The following SPAG17 variants were observed in gnomAD, a reference collection of about 807,000 sequenced individuals.
SPAG17 encodes the protein sperm associated antigen 17.
In SPAG17, 169 loss-of-function variants were observed where a neutral mutation model predicts 273.6. That is an observed-to-expected ratio of 0.62 (90% CI 0.55 to 0.70). The LOEUF is 0.70. SPAG17 is among the 30% of genes least tolerant of loss of function. SPAG17 has a pLI of 0.00. For synonymous variants in SPAG17, 825 were observed against 873.2 expected (o/e 0.94, Z 0.97); for missense variants, 2,557 against 2,627.8 (o/e 0.97, Z 0.59).
intron 42 of SPAG17, 29 bp downstream of exon 42, chr1:117,983,782 T>G: frequency 6.9e-7 from 1 of 1,459,560 alleles, no homozygotes; most frequent in Non-Finnish European, 9.5e-7. Context: ...GGACATTTAA[T>G]AGGAATATGT....
intron 1 of SPAG17, among the ~76,000 whole-genome samples, chr1:118,177,402 T>A (rs566109889): frequency 6.6e-6 from 1 of 152,270 alleles, no homozygotes; most frequent in South Asian, 2.1e-4. Context: ...ACCACCCCTA[T>A]GATTCAATTA....
At chr1:117,959,007 A>G in intron 48 of SPAG17, 1 of 1,613,472 alleles carries the variant, frequency 6.2e-7, no homozygotes. Context: ...AGTCCGGGTA[A>G]GTGTCTTTGT....
At chr1:118,057,261 A>G (rs540924995) in intron 18 of SPAG17, among the ~76,000 whole-genome samples, 65 of 152,010 alleles carry the variant, frequency 4.3e-4, no homozygotes, top group Non-Finnish European at 5.6e-4. Flanking sequence ...ACTTCTCACC[A>G]CCTTTACTGT....
chr1:118,007,939 A>G, intron 31 of SPAG17, 105 bp downstream of exon 31: 1 of 1,186,876 alleles, frequency 8.4e-7, no homozygotes, highest in Non-Finnish European at 1.2e-6. Context: ...GAATGAAAGC[A>G]ACAGCAGTGT....
At chr1:117,982,300 G>A (rs1437095795) in intron 42 of SPAG17, among the ~76,000 whole-genome samples, 2 of 146,778 alleles carry the variant, frequency 1.4e-5, no homozygotes, top group South Asian at 2.2e-4. Flanking sequence ...GGAGTGCAGT[G>A]GCACGATGTC....
intron 20 of SPAG17, among the ~76,000 whole-genome samples, chr1:118,044,352 G>T (rs1228909347): frequency 1.3e-5 from 2 of 152,022 alleles, no homozygotes; most frequent in African/African-American, 4.8e-5. Context: ...GGGTGTGGTG[G>T]TGGGCGCCTG....
intron 37 of SPAG17, among the ~76,000 whole-genome samples, chr1:117,991,160 C>G (rs532139507): frequency 6.6e-6 from 1 of 152,204 alleles, no homozygotes; most frequent in African/African-American, 2.4e-5. Flanking sequence ...TTCAGCATTT[C>G]AATAAATATC....
rs554868839 is a variant in SPAG17 at position 118,099,657 on chromosome 1, T to C, written c.778A>G (p.Thr260Ala). 3.5e-5 allele frequency: 57 copies of C among 1,614,104 alleles called. 1 individual carries two copies. In the Middle Eastern group the frequency reaches 2.6e-3, roughly 75 times the overall value. The change falls in exon 6 of 49, where the codon ACA (threonine) becomes GCA (alanine). Residue 260 changes from threonine (T) to alanine (A), a missense_variant. Physicochemically the swap from Thr to Ala is moderately conservative, Grantham distance 58 (BLOSUM62 0). Coordinates refer to ENST00000336338, the MANE Select transcript of SPAG17 (RefSeq NM_206996.4). The part of the protein sequence containing the change: ...ISSENYEPLQ[T>A]HLAAVNQQQE... The stretch of plus-strand genomic sequence containing the variant: ...TGCTGGTTAACTGCTGCCAGGTGTG[T>C]CTGCAGAGGTTCATAATTCTCTGAA...
intron 3 of SPAG17, among the ~76,000 whole-genome samples, chr1:118,145,591 T>C (rs1489546313): frequency 6.6e-6 from 1 of 152,150 alleles, no homozygotes; most frequent in South Asian, 2.1e-4. Flanking sequence ...GAAAAATCTT[T>C]CCACATTTGA....
At chr1:118,075,877 T>G (rs766770163) in intron 15 of SPAG17, among the ~76,000 whole-genome samples, 47 of 152,086 alleles carry the variant, frequency 3.1e-4, no homozygotes, top group Non-Finnish European at 6.3e-4. Flanking sequence ...ATTGGTCGAG[T>G]ATCACCTTCT....
At chr1:118,051,899 T>A (rs111205419) in intron 20 of SPAG17, among the ~76,000 whole-genome samples, 1 of 135,584 alleles carries the variant, frequency 7.4e-6, no homozygotes, top group Non-Finnish European at 1.5e-5. Flanking sequence ...TAATATAATA[T>A]ATAAACTATT....
At chr1:118,149,526 G>A (rs1166617528) in intron 3 of SPAG17, among the ~76,000 whole-genome samples, 1 of 152,146 alleles carries the variant, frequency 6.6e-6, no homozygotes, top group Non-Finnish European at 1.5e-5. Context: ...ATAAAAAAGA[G>A]ACAAAGTATA....
chr1:118,097,929 T>C (rs1225635510), intron 6 of SPAG17, 78 bp from the exon 7 acceptor site: 10 of 946,900 alleles, frequency 1.1e-5, no homozygotes, highest in Non-Finnish European at 1.5e-5. Context: ...TGGTGAGTCA[T>C]ATGCATTGCA....
intron 15 of SPAG17, 42 bp downstream of exon 15, chr1:118,081,059 A>ACG: frequency 9.7e-5 from 7 of 72,092 alleles, no homozygotes; most frequent in South Asian, 9.6e-4. Flanking sequence ...ATAGTGTCTT[A>ACG]CACACACACA....
intron 30 of SPAG17, among the ~76,000 whole-genome samples, chr1:118,008,429 G>A (rs889422631): frequency 1.3e-5 from 2 of 151,994 alleles, no homozygotes; most frequent in Non-Finnish European, 2.9e-5. Flanking sequence ...TTAGTATGCT[G>A]TCTTATTCTC....
At chr1:117,976,199 A>C (rs2101552084) in intron 43 of SPAG17, among the ~76,000 whole-genome samples, 1 of 152,288 alleles carries the variant, frequency 6.6e-6, no homozygotes. Flanking sequence ...CCCTCCAGGG[A>C]TCAGGATAAT....
chr1:117,968,586 G>C (rs966582956), intron 46 of SPAG17, among the ~76,000 whole-genome samples: 1 of 152,142 alleles, frequency 6.6e-6, no homozygotes, highest in Admixed American at 6.5e-5. Flanking sequence ...AGCTAGAAGG[G>C]GCTAAGAAAT....
At chr1:117,982,619 G>T (rs972078638) in intron 42 of SPAG17, among the ~76,000 whole-genome samples, 2 of 152,170 alleles carry the variant, frequency 1.3e-5, no homozygotes, top group Non-Finnish European at 2.9e-5. Flanking sequence ...TCTTCAGCAT[G>T]CAGTTCCTGA....
In SPAG17 at chr1:118,091,636, C is replaced by T. The variant is rs141697359; in HGVS notation, c.1329G>A (p.Val443=). 15 of 1,611,766 alleles carry T rather than the reference C, an allele frequency of 9.3e-6. No homozygotes were observed. In the African/African-American group the frequency reaches 1.9e-4, roughly 20 times the overall value. Reference sequence around the variant, plus strand: ...CCAGCATACAATGCAGTATCAGGGGCACAGAAATGAATTCCTCTCGAATTG... The same window carrying T: ...CCAGCATACAATGCAGTATCAGGGGTACAGAAATGAATTCCTCTCGAATTG... ...LNPIREEFIS[V]PLILHCMLEQ... is the part of the protein sequence containing the mutation. The change falls in exon 10 of 49, where the codon GTG becomes GTA. Residue 443 remains valine (V), a synonymous_variant. Coordinates refer to ENST00000336338, the MANE Select transcript of SPAG17 (RefSeq NM_206996.4).
Sources: allele counts gnomAD v4.1 joint callset (sites outside exome capture counted in the v4.1 genomes callset), GRCh38; gene constraint gnomAD v4.1.1; transcripts MANE v1.5; gene names NCBI Gene and HGNC (gene_info 2026-07-23, HGNC 2026-07-21).